Variants in SPATA9 observed in about 807,000 individuals in gnomAD.
The protein encoded by SPATA9 is spermatogenesis-associated protein 9.
Under a neutral mutation model 25.5 loss-of-function variants are expected in SPATA9, and 27 were observed. The ratio of observed to expected loss-of-function variants is 1.06; its 90% CI spans 0.78 to 1.46. The LOEUF (loss-of-function observed/expected upper bound fraction) is 1.46. SPATA9 is among the 40% of genes most tolerant of loss of function. The pLI is 0.00. For missense variants in SPATA9, 282 were observed against 297.5 expected, an observed-to-expected ratio of 0.95 and a Z score of 0.38; for synonymous variants, 102 against 105.7, an observed-to-expected ratio of 0.97 and a Z score of 0.21.
chr5:95,684,862 T>A (rs1753699883), upstream of SPATA9: 1 of 152,216 alleles, frequency 6.6e-6, no homozygotes, highest in Non-Finnish European at 1.5e-5. Context: ...TAAAATAAAC[T>A]AGGAAACAAT....
chr5:95,732,006 C>T, the SPATA9 span: 1 of 1,614,160 alleles, frequency 6.2e-7, no homozygotes, highest in Non-Finnish European at 8.5e-7. Flanking sequence ...CCAGCACGGT[C>T]GCGCGTCCGG....
At chr5:95,688,886 A>G (rs1258578269) in intron 1 of SPATA9, among the ~76,000 whole-genome samples, 1 of 152,208 alleles carries the variant, frequency 6.6e-6, no homozygotes, top group Non-Finnish European at 1.5e-5. Flanking sequence ...AATTTTAAAA[A>G]CCTTCCTGAA....
Position 95,696,891 on chromosome 5 carries a change from T to C in SPATA9, n.124+1697A>G, listed in dbSNP as rs148612418. 9.3e-3 allele frequency among the ~76,000 whole-genome samples: 1,422 copies of C among 152,292 alleles called. 13 individuals are homozygous for C. The highest frequency in any genetic ancestry group is 0.015 in the Non-Finnish European group (1,048 of 68,022). On this transcript the variant is annotated intron_variant and non_coding_transcript_variant, in intron 1 of 2. Coordinates refer to the SPATA9 transcript ENST00000379990. ...AAAACAAAACAAAACGGTAATTTCT[T>C]AAAGATTAGGTGCAACCTAAATACC... is the stretch of plus-strand genomic sequence containing the variant.
rs1054012363 is a variant in SPATA9 at position 95,664,039 on chromosome 5, C to A, written c.388G>T (p.Gly130Cys). The change falls in exon 4 of 5, where the codon GGT becomes TGT. Residue 130 changes from glycine (G) to cysteine (C), a missense_variant. Coordinates refer to ENST00000274432, the MANE Select transcript of SPATA9 (RefSeq NM_031952.4). ...AAGGAGATGATTTCAAACAAAGAAC[C>A]CTTTCTGACCTGCAAAAACAGAAAA... ...QPLYNIQVRK[G>C]SLFEIISFPA... 4 of 1,553,138 alleles carry A rather than the reference C, an allele frequency of 2.6e-6. No homozygotes were observed. The African/African-American group carries it at 4.1e-5, about 16-fold the overall frequency.
Position 95,697,911 on chromosome 5 carries a change from A to T in SPATA9, n.124+677T>A, listed in dbSNP as rs146575205. 1.5e-3 allele frequency among the ~76,000 whole-genome samples: 222 copies of T among 152,214 alleles called. 1 individual carries two copies. The highest frequency in any genetic ancestry group is 5.1e-3 in the African/African-American group (210 of 41,512). ...CATGAAAATGACATTCCATGAAAAA[A>T]AAAAAAGCAGCTCACAGCTCAATTA... On this transcript the variant is annotated intron_variant and non_coding_transcript_variant, in intron 1 of 2. Transcript: ENST00000379990.
the SPATA9 span, among the ~76,000 whole-genome samples, chr5:95,718,279 CAGGGGAGAAGAA>C: frequency 6.6e-6 from 1 of 151,888 alleles, no homozygotes; most frequent in Non-Finnish European, 1.5e-5. Flanking sequence ...GAGTTGAAGA[CAGGGGAGAAGAA>C]AGGGGAAGTA....
the SPATA9 span, among the ~76,000 whole-genome samples, chr5:95,710,047 G>C: frequency 0.012 from 1,855 of 152,248 alleles, 44 homozygotes; most frequent in African/African-American, 0.042. Context: ...TTACCCCATC[G>C]GAGAGCCTGA....
chr5:95,727,197 G>A, the SPATA9 span, among the ~76,000 whole-genome samples: 1 of 152,114 alleles, frequency 6.6e-6, no homozygotes, highest in Non-Finnish European at 1.5e-5. Flanking sequence ...AGATGCCTTT[G>A]TCAGAGTTCA....
chr5:95,673,678 G>A (rs1752629461), intron 3 of SPATA9, among the ~76,000 whole-genome samples: 1 of 151,608 alleles, frequency 6.6e-6, no homozygotes, highest in South Asian at 2.1e-4. Flanking sequence ...ATTTCAGTGG[G>A]GATTTAAGAT....
chr5:95,708,484 A>G, the SPATA9 span, among the ~76,000 whole-genome samples: 10 of 152,214 alleles, frequency 6.6e-5, no homozygotes, highest in African/African-American at 2.4e-4. Context: ...CGAGTTATAG[A>G]ATGAAGATCT....
At chr5:95,658,287 G>C (rs1294167842), downstream of SPATA9, 3 of 165,702 alleles carry the variant, frequency 1.8e-5, no homozygotes, top group African/African-American at 7.1e-5. Flanking sequence ...TTCCTCCCAA[G>C]TAAAGAATTA....
At position 95,682,423 on chromosome 5, in the gene SPATA9, A is replaced by C. The variant is rs1753543927; in HGVS notation, c.150+105T>G. On this transcript the variant is annotated intron_variant, in intron 2 of 4. Coordinates refer to ENST00000274432, the MANE Select transcript of SPATA9 (RefSeq NM_031952.4). Reference sequence around the variant, plus strand: ...TCTGAGGCAAAATTAGTGTTTTCTAAAGTTTTGATCACTGATCTCAAAATC... The same window carrying C: ...TCTGAGGCAAAATTAGTGTTTTCTACAGTTTTGATCACTGATCTCAAAATC... 3 of 821,400 alleles carry C rather than the reference A, an allele frequency of 3.7e-6. No individual in the cohort carries two copies. In the Admixed American group the frequency reaches 9.7e-5, roughly 26 times the overall value. The allele number at this position is 821,400 out of a possible 1,614,324, so 50.9% of individuals were successfully genotyped here.
At chr5:95,707,303 TAA>T in the SPATA9 span, among the ~76,000 whole-genome samples, 1 of 152,054 alleles carries the variant, frequency 6.6e-6, no homozygotes, top group Non-Finnish European at 1.5e-5. Flanking sequence ...ATGGATTAGT[TAA>T]AACAGACATG....
At chr5:95,702,737 T>C (rs1170768710), upstream of SPATA9, among the ~76,000 whole-genome samples, 2 of 152,028 alleles carry the variant, frequency 1.3e-5, no homozygotes, top group African/African-American at 4.8e-5. Context: ...ATAAATCAAC[T>C]GGGCATGGTG....
At chr5:95,723,558 G>GT in the SPATA9 span, among the ~76,000 whole-genome samples, 2 of 151,918 alleles carry the variant, frequency 1.3e-5, no homozygotes, top group South Asian at 2.1e-4. Flanking sequence ...TTGTTTGTTT[G>GT]TTTTTTTAAA....
chr5:95,671,964 T>C (rs1011202910), intron 3 of SPATA9, among the ~76,000 whole-genome samples: 7 of 150,240 alleles, frequency 4.7e-5, no homozygotes, highest in East Asian at 1.9e-4. Context: ...GTTCAAAAGA[T>C]GTAATACAAA....
the SPATA9 span, among the ~76,000 whole-genome samples, chr5:95,720,211 C>G: frequency 1.3e-5 from 2 of 152,128 alleles, no homozygotes; most frequent in Non-Finnish European, 2.9e-5. Context: ...GAAGAATGAG[C>G]CTTGGATAAT....
chr5:95,717,074 G>C, the SPATA9 span: 1 of 152,154 alleles, frequency 6.6e-6, no homozygotes, highest in Non-Finnish European at 1.5e-5. Flanking sequence ...CCATATATTC[G>C]GTTGCTTCTG....
chr5:95,700,399 A>G (rs904837513), upstream of SPATA9, among the ~76,000 whole-genome samples: 1 of 152,100 alleles, frequency 6.6e-6, no homozygotes, highest in East Asian at 1.9e-4. Context: ...TCCCAGGTTC[A>G]AGCGATTCTC....
Sources: allele counts gnomAD v4.1 joint callset (sites outside exome capture counted in the v4.1 genomes callset), GRCh38; gene constraint gnomAD v4.1.1; transcripts MANE v1.5; gene names NCBI Gene and HGNC (gene_info 2026-07-23, HGNC 2026-07-21).